PUF60: variants seen among roughly 807,000 people sequenced by gnomAD.
The protein encoded by PUF60 is poly(U) binding splicing factor 60.
In PUF60, 10 loss-of-function variants were observed where a neutral mutation model predicts 61.8. The ratio of observed to expected loss-of-function variants is 0.16; its 90% CI spans 0.10 to 0.27. The LOEUF (loss-of-function observed/expected upper bound fraction) is 0.27. Ranked by LOEUF, PUF60 falls within the 10% of genes least tolerant of loss-of-function variation. The probability of loss-of-function intolerance (pLI) is 1.00; values close to 1 mark genes in which losing one functional copy is unlikely to be tolerated. For synonymous variants in PUF60, 353 were observed against 300.9 expected (o/e 1.17, Z -1.79); for missense variants, 371 against 754.0 (o/e 0.49, Z 5.95).
chr8:143,824,853 A>G (rs2130392028), intron 1 of PUF60: 1 of 190,638 alleles, frequency 5.2e-6, no homozygotes, highest in East Asian at 1.6e-4. Flanking sequence ...GCTCTGGCCC[A>G]GCCCAGGTCC....
chr8:143,824,529 C>A, intron 1 of PUF60, 130 bp from the exon 2 acceptor site: 1 of 891,618 alleles, frequency 1.1e-6, no homozygotes, highest in African/African-American at 1.7e-5. Context: ...GCATTCCCGA[C>A]ATGACCCCCC....
intron 1 of PUF60, chr8:143,824,770 C>A (rs979117824): frequency 7.0e-5 from 21 of 300,708 alleles, no homozygotes; most frequent in African/African-American, 4.6e-4. Context: ...GAGGCAGCAG[C>A]GGTGCCTTCC....
Position 143,818,734 on chromosome 8 carries a change from C to T in PUF60, c.349-200G>A, listed in dbSNP as rs1267439931. ...CCACCCAAAGAAGGAAGGCCAGGCC[C>T]AGCGGCAGGACAGGACGCACCCCAG... On this transcript the variant is annotated intron_variant, in intron 5 of 11. Coordinates refer to ENST00000526683, the MANE Select transcript of PUF60 (RefSeq NM_078480.3). This position sits in a 1 kb window ranked among gnomAD's most constrained non-coding sequence, Gnocchi z 7.9. 9.5e-6 allele frequency: 6 copies of T among 632,734 alleles called. No individual in the cohort carries two copies. Among genetic ancestry groups the T allele is most frequent in the South Asian group, 2.1e-5 (1 of 48,330 alleles). The allele number at this position is 632,734 out of a possible 1,614,324, so 39.2% of individuals were successfully genotyped here. A position where few individuals can be genotyped will look rare whatever the true frequency, so the allele number is the denominator to read the frequency against.
At position 143,827,718 on chromosome 8, in the gene PUF60, G is replaced by A. The variant is rs7001573; in HGVS notation, c.24+1562C>T. 2.5e-3 allele frequency among the ~76,000 whole-genome samples: 381 copies of A among 152,332 alleles called. 1 individual carries two copies. The highest frequency in any genetic ancestry group is 4.2e-3 in the Non-Finnish European group (288 of 68,026). On this transcript the variant is annotated intron_variant, in intron 1 of 11. Transcript: ENST00000526683. ...CTGAAACCTGACGATAAAAAAACAC[G>A]TATTAAACCCAACAGAATTTGGATG...
intron 4 of PUF60, chr8:143,821,346 G>GT (rs1414389024): frequency 1.5e-5 from 9 of 594,710 alleles, no homozygotes; most frequent in Non-Finnish European, 2.7e-5. Flanking sequence ...AGGGGAAAAG[G>GT]GTAGAGCTGC....
At chr8:143,825,204 T>G (rs1240239388) in intron 1 of PUF60, 2 of 152,280 alleles carry the variant, frequency 1.3e-5, no homozygotes, top group Non-Finnish European at 2.9e-5. Flanking sequence ...CACTCCCAGC[T>G]CAAGGATGAG....
chr8:143,821,394 G>A, intron 4 of PUF60: 3 of 608,434 alleles, frequency 4.9e-6, no homozygotes, highest in Non-Finnish European at 8.8e-6. Flanking sequence ...GCGCTTTAGG[G>A]GCTCCAGCGA....
chr8:143,826,951 C>G (rs1410196658), intron 1 of PUF60: 2 of 196,522 alleles, frequency 1.0e-5, no homozygotes, highest in South Asian at 7.2e-5. Context: ...CATCCAGTGT[C>G]AGATACCCAG....
rs1554649140 is a variant in PUF60, at chr8:143,829,247, G to A, written c.24+33C>T. 6.4e-6 allele frequency: 8 copies of A among 1,247,748 alleles called. No homozygotes were observed. In the African/African-American group the frequency reaches 1.2e-4, roughly 19 times the overall value. The allele number at this position is 1,247,748 out of a possible 1,614,324, so 77.3% of individuals were successfully genotyped here. A position where few individuals can be genotyped will look rare whatever the true frequency, so the allele number is the denominator to read the frequency against. On this transcript the variant is annotated intron_variant, in intron 1 of 11. Transcript: ENST00000526683. ...TCGACGACCCGGCCCCGCAAGCCGA[G>A]GGCCGCCCGCGCTCATGGGGGGGCT... is the stretch of plus-strand genomic sequence containing the variant.
chr8:143,827,493 A>G, intron 1 of PUF60: 1 of 455,626 alleles, frequency 2.2e-6, no homozygotes, highest in East Asian at 7.0e-5. Flanking sequence ...CCACCAGGCC[A>G]CTGTCAGCCA....
chr8:143,828,988 C>A (rs1554648996), intron 1 of PUF60: 1 of 992,216 alleles, frequency 1.0e-6, no homozygotes, highest in Non-Finnish European at 1.2e-6. Context: ...CCGGACCTAG[C>A]GGACAGGAAC....
Position 143,828,750 on chromosome 8 carries a change from G to A in PUF60, c.24+530C>T, listed in dbSNP as rs139379814. Among the ~76,000 whole-genome samples the A allele has an allele frequency of 2.3e-4, 35 of 152,330 alleles. No homozygotes were observed. The East Asian group carries it at 5.6e-3, about 24-fold the overall frequency. ...CCTTCCTTTCCACGTGGAGACAAGA[G>A]AATGGAGATAACCAGATCCCTCTCC... On this transcript the variant is annotated intron_variant, in intron 1 of 11. Transcript: ENST00000526683.
rs775054254 is a variant in PUF60, at chr8:143,824,264, GGGCGGGCA to G, written c.111+41_111+48del. 1,369 of 1,466,798 alleles carry G rather than the reference GGGCGGGCA, an allele frequency of 9.3e-4. 18 individuals carry two copies. In the East Asian group the frequency reaches 0.019, roughly 20 times the overall value. 90.9% of individuals were successfully genotyped at this position (1,466,798 alleles called of 1,614,324 possible). On this transcript the variant is annotated intron_variant, in intron 2 of 11. Coordinates refer to ENST00000526683, the MANE Select transcript of PUF60 (RefSeq NM_078480.3). ...GGGACGCACAGGCAGGCGGGCGGGCGGGCGGGCAGGCGGGCGGGCCTGAGGGAGAGGAT... is the reference window on the plus strand; with the variant it reads ...GGGACGCACAGGCAGGCGGGCGGGCGGGCGGGCGGGCCTGAGGGAGAGGAT...
At chr8:143,819,323 C>T (rs1399495188) in intron 5 of PUF60, among the ~76,000 whole-genome samples, 1 of 152,154 alleles carries the variant, frequency 6.6e-6, no homozygotes, top group East Asian at 1.9e-4. Context: ...GGCTATTGCG[C>T]TGAGGGACCT....
At position 143,818,354 on chromosome 8, in the gene PUF60, G is replaced by A. The variant is rs1816615680; in HGVS notation, c.510+19C>T. ...TGGGGGCGAGCCCGAAGTGGCCGGG[G>A]CGGACCAAGCCTGCTGACCTTGTGC... On this transcript the variant is annotated intron_variant, in intron 6 of 11. Coordinates refer to ENST00000526683, the MANE Select transcript of PUF60 (RefSeq NM_078480.3). The surrounding 1 kb of genome is among the most constrained non-coding windows in gnomAD (Gnocchi z 7.9). The A allele has an allele frequency of 1.2e-6, 2 of 1,611,690 alleles. No individual in the cohort carries two copies. Among genetic ancestry groups the A allele is most frequent in the South Asian group, 1.1e-5 (1 of 91,012 alleles).
intron 1 of PUF60, among the ~76,000 whole-genome samples, chr8:143,825,435 A>G (rs925379418): frequency 1.3e-5 from 2 of 152,122 alleles, no homozygotes; most frequent in South Asian, 4.1e-4. Context: ...TGCCCAACTC[A>G]GCCCCACGCT....
chr8:143,822,057 G>A (rs2130340106), intron 2 of PUF60, 144 bp from the exon 3 acceptor site: 1 of 648,434 alleles, frequency 1.5e-6, no homozygotes, highest in South Asian at 1.9e-5. Context: ...CCCAGCCCAG[G>A]CCACTGTCTC....
At chr8:143,819,931 C>T (rs1002830121) in intron 5 of PUF60, among the ~76,000 whole-genome samples, 6 of 152,162 alleles carry the variant, frequency 3.9e-5, no homozygotes, top group African/African-American at 1.4e-4. Flanking sequence ...GCGTGTGTTG[C>T]CCCATGGGAG....
Position 143,818,664 on chromosome 8 carries a change from C to T in PUF60, c.349-130G>A, listed in dbSNP as rs1816661301. 7.1e-6 allele frequency: 7 copies of T among 982,528 alleles called. No individual in the cohort carries two copies. The highest frequency in any genetic ancestry group is 1.7e-5 in the South Asian group (1 of 58,724). The allele number at this position is 982,528 out of a possible 1,614,324, so 60.9% of individuals were successfully genotyped here. A position where few individuals can be genotyped will look rare whatever the true frequency, so the allele number is the denominator to read the frequency against. ...GGGCTCCCCACATGACAGGGAGGTG[C>T]GGGCTCCATCCCTGCAGTCATAGTG... On this transcript the variant is annotated intron_variant, in intron 5 of 11. Coordinates refer to ENST00000526683, the MANE Select transcript of PUF60 (RefSeq NM_078480.3). This position sits in a 1 kb window ranked among gnomAD's most constrained non-coding sequence, Gnocchi z 7.9.
Sources: gnomAD v4.1 joint callset for allele counts (sites outside exome capture counted in the v4.1 genomes callset) on GRCh38, gnomAD v4.1.1 for gene constraint, Gnocchi (gnomAD v3.1) non-coding constraint, MANE v1.5 for transcripts, NCBI Gene and HGNC (gene_info 2026-07-23, HGNC 2026-07-21) for gene names.